The following ZNF69 variants were observed in gnomAD, a reference collection of about 807,000 sequenced individuals.
ZNF69 encodes ZNF3.
ZNF69 carries 47 observed loss-of-function variants against 50.9 expected under a neutral mutation model. The ratio of observed to expected loss-of-function variants is 0.92; its 90% CI spans 0.73 to 1.18. The LOEUF is 1.18. Ranked by LOEUF, ZNF69 falls within the 50% of genes most tolerant of loss-of-function variation. The pLI, the probability that ZNF69 is intolerant of heterozygous loss-of-function variation, is 0.00. For missense variants in ZNF69, 717 were observed against 675.1 expected (o/e 1.06, Z -0.69); for synonymous variants, 216 against 223.1 (o/e 0.97, Z 0.29).
At chr19:11,977,533 C>G in the ZNF69 span, 1 of 1,388,046 alleles carries the variant, frequency 7.2e-7, no homozygotes, top group African/African-American at 1.5e-5. Flanking sequence ...GTATCAAATT[C>G]ATCTCTTCTT....
At chr19:11,913,535 T>C in exon 5 of ZNF69, 5 of 398,942 alleles carry the variant, frequency 1.3e-5, no homozygotes, top group Non-Finnish European at 2.3e-5. Context: ...ACTACAGGCA[T>C]GCACCACCAC....
chr19:11,977,570 TACATGTG>T, the ZNF69 span: 2 of 1,126,354 alleles, frequency 1.8e-6, no homozygotes, highest in African/African-American at 1.6e-5. Context: ...ATCATATATT[TACATGTG>T]ACTAAGTCTG....
chr19:11,954,456 A>G, the ZNF69 span, among the ~76,000 whole-genome samples: 1 of 152,196 alleles, frequency 6.6e-6, no homozygotes, highest in East Asian at 1.9e-4. Context: ...TGTCTCAAGC[A>G]GTCCTCCCAG....
chr19:11,897,650 A>T (rs1235797838), intron 1 of ZNF69, among the ~76,000 whole-genome samples: 1 of 151,594 alleles, frequency 6.6e-6, no homozygotes, highest in African/African-American at 2.4e-5. Context: ...AGGCGGGTGG[A>T]TCACAAGGTC....
chr19:11,916,550 G>A (rs902792717), downstream of ZNF69, among the ~76,000 whole-genome samples: 3 of 152,218 alleles, frequency 2.0e-5, no homozygotes, highest in South Asian at 6.2e-4. Flanking sequence ...GGGAGGCGGA[G>A]GTTGCAGTGA....
At chr19:11,948,822 A>G in the ZNF69 span, 13 of 1,608,198 alleles carry the variant, frequency 8.1e-6, no homozygotes, top group Non-Finnish European at 9.3e-6. Context: ...CTACCCTTCA[A>G]ATACATGAAA....
chr19:11,968,982 GA>G, the ZNF69 span, among the ~76,000 whole-genome samples: 3 of 152,200 alleles, frequency 2.0e-5, no homozygotes, highest in East Asian at 5.8e-4. Flanking sequence ...TGTAATCAGG[GA>G]AAGGAGGGTT....
the ZNF69 span, among the ~76,000 whole-genome samples, chr19:11,956,099 G>T: frequency 6.6e-6 from 1 of 152,010 alleles, no homozygotes; most frequent in Non-Finnish European, 1.5e-5. Flanking sequence ...GCTTAATAGG[G>T]TTACATTTTC....
chr19:11,965,227 C>A, the ZNF69 span: 1 of 1,614,020 alleles, frequency 6.2e-7, no homozygotes, highest in Admixed American at 1.7e-5. Context: ...TGTGCATAGC[C>A]GGTTGTCCCG....
chr19:11,950,489 C>T, the ZNF69 span: 10 of 652,332 alleles, frequency 1.5e-5, no homozygotes, highest in Admixed American at 7.1e-5. Flanking sequence ...ATTCTAGTTC[C>T]GTTTGATATC....
Position 11,906,297 on chromosome 19 carries a change from G to A in ZNF69, c.*199G>A. 5.0e-6 allele frequency: 7 copies of A among 1,404,460 alleles called. No individual in the cohort carries two copies. In the East Asian group the frequency reaches 1.0e-4, roughly 21 times the overall value. The allele number at this position is 1,404,460 out of a possible 1,614,324, so 87.0% of individuals were successfully genotyped here. A position where few individuals can be genotyped will look rare whatever the true frequency, so the allele number is the denominator to read the frequency against. ...AGCAGAAACTTCTGCAGACTTAAAT[G>A]TCCCTGTCTGACAGCTTTGAAGAGA... On this transcript the variant is annotated 3_prime_UTR_variant, in exon 4 of 4. Transcript: ENST00000429654.
the ZNF69 span, among the ~76,000 whole-genome samples, chr19:11,929,249 C>T: frequency 4.0e-5 from 6 of 148,554 alleles, 1 homozygote; most frequent in African/African-American, 7.9e-5. Context: ...CTGCAGCCTC[C>T]GCCTCCTGGG....
the ZNF69 span, chr19:11,965,093 C>T: frequency 7.2e-7 from 1 of 1,394,258 alleles, no homozygotes; most frequent in African/African-American, 1.4e-5. Flanking sequence ...CTGTATCCAT[C>T]CCCGAGAGGG....
chr19:11,924,031 G>T, the ZNF69 span, among the ~76,000 whole-genome samples: 1 of 152,218 alleles, frequency 6.6e-6, no homozygotes, highest in Non-Finnish European at 1.5e-5. Flanking sequence ...AGACGCATTT[G>T]TGGCGTCTCT....
chr19:11,898,998 C>T (rs565910363), intron 1 of ZNF69, among the ~76,000 whole-genome samples: 1 of 152,298 alleles, frequency 6.6e-6, no homozygotes, highest in East Asian at 1.9e-4. Flanking sequence ...TCTTTGTGTT[C>T]TGTGGTTTAA....
chr19:11,918,920 G>C (rs1301375111), downstream of ZNF69, among the ~76,000 whole-genome samples: 1 of 149,666 alleles, frequency 6.7e-6, no homozygotes, highest in Non-Finnish European at 1.5e-5. Flanking sequence ...TTTTGAGACG[G>C]AGTCTCGCTG....
At chr19:11,923,043 C>T in the ZNF69 span, among the ~76,000 whole-genome samples, 2 of 152,154 alleles carry the variant, frequency 1.3e-5, no homozygotes, top group Admixed American at 6.6e-5. Context: ...TCTTCAACTT[C>T]GGGCTTCAAG....
the ZNF69 span, chr19:11,949,076 C>A: frequency 6.2e-7 from 1 of 1,609,840 alleles, no homozygotes; most frequent in Non-Finnish European, 8.5e-7. Context: ...AGTTTTCAAA[C>A]ACACATAAGA....
the ZNF69 span, among the ~76,000 whole-genome samples, chr19:11,974,645 C>T: frequency 8.0e-5 from 12 of 149,588 alleles, no homozygotes; most frequent in Admixed American, 3.3e-4. Context: ...CTCTGTCGCC[C>T]AGGCTGGAGT....
Sources: allele counts gnomAD v4.1 joint callset (sites outside exome capture counted in the v4.1 genomes callset), GRCh38; gene constraint gnomAD v4.1.1; transcripts MANE v1.5; gene names NCBI Gene and HGNC (gene_info 2026-07-23, HGNC 2026-07-21).